The following PWWP2B variants were observed in gnomAD, a reference collection of about 807,000 sequenced individuals.
The protein encoded by PWWP2B is PWWP domain containing 2B, also known as PWWP domain-containing protein 2B.
PWWP2B carries 9 observed loss-of-function variants against 15.5 expected under a neutral mutation model. The observed-to-expected ratio is 0.58, with a 90% confidence interval of 0.35 to 1.02. The LOEUF (loss-of-function observed/expected upper bound fraction) is 1.02, where lower values mean the gene tolerates loss of function less well. Among genes scored for constraint, PWWP2B ranks in the 50% least tolerant of loss-of-function variants. The probability of loss-of-function intolerance (pLI) is 0.02; values close to 1 mark genes in which losing one functional copy is unlikely to be tolerated. For synonymous variants in PWWP2B, 474 were observed against 403.6 expected (o/e 1.17, Z -2.09); for missense variants, 864 against 865.3 (o/e 1.00, Z 0.02).
chr10:132,413,417 C>T (rs944281505), intron 2 of PWWP2B, among the ~76,000 whole-genome samples: 4 of 152,180 alleles, frequency 2.6e-5, no homozygotes, highest in Admixed American at 1.3e-4. Context: ...TGGCAGTGAA[C>T]GCCTGAGCTC....
intron 1 of PWWP2B, among the ~76,000 whole-genome samples, chr10:132,402,716 C>T (rs573599268): frequency 2.6e-5 from 4 of 151,274 alleles, no homozygotes; most frequent in South Asian, 4.2e-4. Context: ...CAACCCTGGG[C>T]GGGGGTGGGG....
At chr10:132,399,605 T>C (rs1590754787) in intron 1 of PWWP2B, among the ~76,000 whole-genome samples, 3 of 152,368 alleles carry the variant, frequency 2.0e-5, no homozygotes, top group Non-Finnish European at 4.4e-5. Context: ...AGCCTGCGTG[T>C]ACATCTGGGT....
chr10:132,398,888 T>A lies in PWWP2B; in HGVS notation c.125+1537T>A, dbSNP rs1333136557. Among the ~76,000 whole-genome samples the A allele has an allele frequency of 2.0e-5, 3 of 152,028 alleles. No homozygotes were observed. The East Asian group carries it at 5.8e-4, about 29-fold the overall frequency. The stretch of plus-strand genomic sequence containing the variant: ...TGCCTTGGGCTGGCCCCCTTGTCCT[T>A]GTGGGGAATCTGAAGGTAGAGCAGG... On this transcript the variant is annotated intron_variant, in intron 1 of 2. Transcript: ENST00000305233.
chr10:132,414,339 CTG>C, intron 2 of PWWP2B, among the ~76,000 whole-genome samples: 1 of 152,294 alleles, frequency 6.6e-6, no homozygotes, highest in South Asian at 2.1e-4. Flanking sequence ...CCTCCTGGGG[CTG>C]TGTGTTTCTT....
chr10:132,402,189 G>A (rs575974584), intron 1 of PWWP2B, among the ~76,000 whole-genome samples: 1 of 152,382 alleles, frequency 6.6e-6, no homozygotes, highest in African/African-American at 2.4e-5. Flanking sequence ...TGAAGATCCT[G>A]GGGCAAGGGA....
chr10:132,401,516 C>T (rs1038668414), intron 1 of PWWP2B, among the ~76,000 whole-genome samples: 6 of 152,222 alleles, frequency 3.9e-5, no homozygotes, highest in African/African-American at 7.2e-5. Flanking sequence ...CTCCATCTTC[C>T]CACCTGCCAA....
intron 2 of PWWP2B, among the ~76,000 whole-genome samples, chr10:132,416,165 G>A (rs779179798): frequency 1.3e-5 from 2 of 152,076 alleles, no homozygotes; most frequent in African/African-American, 2.4e-5. Context: ...GTGACTTCTC[G>A]GCGGGGCTGC....
At chr10:132,397,778 G>A (rs964403756) in intron 1 of PWWP2B, among the ~76,000 whole-genome samples, 3 of 152,238 alleles carry the variant, frequency 2.0e-5, no homozygotes, top group African/African-American at 7.2e-5. Context: ...GAAGGCCACG[G>A]GCCCCTGGCT....
chr10:132,399,319 G>C (rs1330586189), intron 1 of PWWP2B, among the ~76,000 whole-genome samples: 2 of 152,258 alleles, frequency 1.3e-5, no homozygotes, highest in Non-Finnish European at 2.9e-5. Context: ...GGGAACCTGT[G>C]GGTCCCAGCA....
rs115103331 is a variant in PWWP2B at position 132,410,182 on chromosome 10, G to A, written c.*16+3893G>A. Among the ~76,000 whole-genome samples, 522 of 152,282 alleles carry A rather than the reference G, an allele frequency of 3.4e-3. 2 individuals are homozygous for A. Among genetic ancestry groups the A allele is most frequent in the African/African-American group, 0.012 (494 of 41,558 alleles). On this transcript the variant is annotated intron_variant, in intron 2 of 2. Coordinates refer to ENST00000305233, the MANE Select transcript of PWWP2B (RefSeq NM_138499.4). ...GGAGGCTGGGCGGTGTGCAGGTGTCGCTCCTGGAACTAGGGGAGCCACGGT... is the reference window on the plus strand; with the variant it reads ...GGAGGCTGGGCGGTGTGCAGGTGTCACTCCTGGAACTAGGGGAGCCACGGT...
chr10:132,413,482 C>G (rs937418568), intron 2 of PWWP2B, among the ~76,000 whole-genome samples: 2 of 152,174 alleles, frequency 1.3e-5, no homozygotes, highest in African/African-American at 4.8e-5. Flanking sequence ...GTGTCACATC[C>G]CTCTCTCTGT....
In PWWP2B at chr10:132,415,578, TCCACTCACACACAC is replaced by T. The variant is rs1258951375; in HGVS notation, c.*17-1473_*17-1460del. Among the ~76,000 whole-genome samples the T allele has an allele frequency of 1.1e-4, 12 of 112,930 alleles. No individual in the cohort carries two copies. In the South Asian group the frequency reaches 1.9e-3, roughly 18 times the overall value. The allele number at this position is 112,930 out of a possible 152,430, so 74.1% of individuals were successfully genotyped here. A position where few individuals can be genotyped will look rare whatever the true frequency, so the allele number is the denominator to read the frequency against. On this transcript the variant is annotated intron_variant, in intron 2 of 2. Transcript: ENST00000305233. The stretch of plus-strand genomic sequence containing the variant: ...TCACACAAACACACATACACACACA[TCCACTCACACACAC>T]CCACTCACATTTACTCACACACATC...
At position 132,404,743 on chromosome 10, in the gene PWWP2B, G is replaced by A; in HGVS notation, c.243G>A (p.Gly81=). Residue 81 remains glycine (G), a synonymous_variant, in exon 2 of 3, where the codon GGG becomes GGA. Coordinates refer to ENST00000305233, the MANE Select transcript of PWWP2B (RefSeq NM_138499.4). The part of the protein sequence containing the change: ...EEGDAEVMQL[G]SSSPPPARGV... ...GGGATGCAGAGGTGATGCAGCTGGG[G>A]TCCAGCTCCCCCCCTCCTGCCCGCG... 3.1e-6 allele frequency: 5 copies of A among 1,602,096 alleles called. No individual in the cohort carries two copies. Among genetic ancestry groups the A allele is most frequent in the Non-Finnish European group, 4.3e-6 (5 of 1,173,712 alleles).
In PWWP2B at chr10:132,405,337, C is replaced by T; in HGVS notation, c.837C>T (p.Pro279=). 6.2e-7 allele frequency: 1 copy of T among 1,611,914 alleles called. No homozygotes were observed. The highest frequency in any genetic ancestry group is 8.5e-7 in the Non-Finnish European group (1 of 1,179,488). The change falls in exon 2 of 3, where the codon CCC becomes CCT. Residue 279 remains proline (P), a synonymous_variant. Transcript: ENST00000305233. ...CCCGCGTGCACGGCTCTCTGGAGCC[C>T]TTCCGTCCCCAGCAGGCCCCGCAGG... ...IPSRVHGSLE[P]FRPQQAPQDD...
rs538921899 is a variant in PWWP2B at position 132,407,544 on chromosome 10, C to T, written c.*16+1255C>T. 1.8e-4 allele frequency among the ~76,000 whole-genome samples: 28 copies of T among 152,298 alleles called. No individual in the cohort carries two copies. The East Asian group carries it at 4.0e-3, about 22-fold the overall frequency. On this transcript the variant is annotated intron_variant, in intron 2 of 2. Coordinates refer to ENST00000305233, the MANE Select transcript of PWWP2B (RefSeq NM_138499.4). ...TGCACCCTGCGTATTGGGGTTCCGG[C>T]GGAAGCAGTGATGAGAGACCACTGT...
In PWWP2B at chr10:132,405,931, G is replaced by A. The variant is rs1285048960; in HGVS notation, c.1431G>A (p.Val477=). Reference sequence around the variant, plus strand: ...CGGTCAGGCTGCACACACAGAGCGTGTCGGAGTGCATCACGGAGGACGGCA... The same window carrying A: ...CGGTCAGGCTGCACACACAGAGCGTATCGGAGTGCATCACGGAGGACGGCA... ...PLTVRLHTQS[V]SECITEDGRT... is the part of the protein sequence containing the mutation. Residue 477 remains valine, a synonymous_variant, in exon 2 of 3, where the codon GTG becomes GTA. Transcript: ENST00000305233. 6.2e-7 allele frequency: 1 copy of A among 1,613,098 alleles called. No homozygotes were observed. Among genetic ancestry groups the A allele is most frequent in the Non-Finnish European group, 8.5e-7 (1 of 1,180,014 alleles).
chr10:132,404,049 C>T (rs1048324123), intron 1 of PWWP2B, among the ~76,000 whole-genome samples: 1 of 56,136 alleles, frequency 1.8e-5, no homozygotes, highest in Non-Finnish European at 3.4e-5. Context: ...TCCTGCAGGA[C>T]GGCATTCTCC....
At chr10:132,406,324 C>A (rs368393318) in intron 2 of PWWP2B, 35 bp downstream of exon 2, 1 of 1,528,918 alleles carries the variant, frequency 6.5e-7, no homozygotes, top group South Asian at 1.2e-5. Flanking sequence ...TTCCCCCCAG[C>A]GGCCCAAGCT....
chr10:132,416,858 T>C (rs1183594204), intron 2 of PWWP2B, among the ~76,000 whole-genome samples: 1 of 151,818 alleles, frequency 6.6e-6, no homozygotes, highest in Non-Finnish European at 1.5e-5. Flanking sequence ...CCCCCAAGCA[T>C]GGAAGACCCT....
Sources: gnomAD v4.1 joint callset for allele counts (sites outside exome capture counted in the v4.1 genomes callset) on GRCh38, gnomAD v4.1.1 for gene constraint, MANE v1.5 for transcripts, NCBI Gene and HGNC (gene_info 2026-07-23, HGNC 2026-07-21) for gene names.